The following SUSD2 variants were observed in gnomAD, a reference collection of about 807,000 sequenced individuals.
SUSD2 encodes sushi domain-containing protein 2.
A neutral mutation model predicts 93.8 loss-of-function variants in SUSD2; 86 were observed. That is an observed-to-expected ratio of 0.92 (90% CI 0.77 to 1.10). The LOEUF is 1.10. SUSD2 is among the 50% of genes least tolerant of loss of function. The pLI is 0.00. For synonymous variants in SUSD2, 483 were observed against 485.0 expected, an observed-to-expected ratio of 1.00 and a Z score of 0.05; for missense variants, 1,060 against 1,137.0, an observed-to-expected ratio of 0.93 and a Z score of 0.97.
rs1285097208 is a variant in SUSD2 at position 24,184,807 on chromosome 22, C to G, written c.649C>G (p.Leu217Val). The G allele has an allele frequency of 8.1e-6, 13 of 1,612,120 alleles. No homozygotes were observed. Among genetic ancestry groups the G allele is most frequent in the Non-Finnish European group, 1.1e-5 (13 of 1,179,012 alleles). Residue 217 changes from leucine to valine, a missense_variant, in exon 5 of 15, where the codon CTG becomes GTG. Physicochemically the swap from Leu to Val is conservative, Grantham distance 32. Transcript: ENST00000358321. The stretch of plus-strand genomic sequence containing the variant: ...GGAGTGGACTGCAAAGTGGTCGTAC[C>G]TGTACCCCCTGGCCACACACATCCC... ...SQEWTAKWSY[L>V]YPLATHIPNS...
In SUSD2 at chr22:24,184,310, C is replaced by T; in HGVS notation, c.607+7C>T. The T allele has an allele frequency of 6.2e-7, 1 of 1,612,366 alleles. No homozygotes were observed. The highest frequency in any genetic ancestry group is 1.1e-5 in the South Asian group (1 of 91,060). ...TGGGGCTACGAGGAGACAGGTGAGG[C>T]CAGCTGAGGGCTGGGGTGGCATCAG... On this transcript the variant is annotated splice_region_variant and intron_variant, in intron 4 of 14. Transcript: ENST00000358321.
chr22:24,183,416 C>T, intron 2 of SUSD2, 79 bp from the exon 3 acceptor site: 1 of 1,561,934 alleles, frequency 6.4e-7, no homozygotes, highest in South Asian at 1.2e-5. Flanking sequence ...TTGGGTTCCC[C>T]AGGGAGGTTG....
At position 24,187,808 on chromosome 22, in the gene SUSD2, A is replaced by G; in HGVS notation, c.2129A>G (p.Gln710Arg). 1.9e-6 allele frequency: 3 copies of G among 1,612,828 alleles called. No individual in the cohort carries two copies. Among genetic ancestry groups the G allele is most frequent in the Non-Finnish European group, 2.5e-6 (3 of 1,179,636 alleles). The change falls in exon 12 of 15, where the codon CAG becomes CGG. Residue 710 changes from glutamine (Q) to arginine (R), a missense_variant. Transcript: ENST00000358321. The stretch of plus-strand genomic sequence containing the variant: ...GGCACTGCCACTCGGGTGGCCCACC[A>G]GCTGCACCAGCGTCGCATGCAGAGC... The part of the protein sequence containing the change: ...STGTATRVAH[Q>R]LHQRRMQSLQ...
chr22:24,185,465 C>A (rs2047355789), intron 6 of SUSD2, 21 bp from the exon 7 acceptor site: 1 of 1,553,570 alleles, frequency 6.4e-7, no homozygotes. Flanking sequence ...CACTGGGTGA[C>A]AGCCACCTGC....
Position 24,187,806 on chromosome 22 carries a change from C to T in SUSD2, c.2127C>T (p.His709=). ...LSTGTATRVA[H]QLHQRRMQSL... ...CGGGCACTGCCACTCGGGTGGCCCA[C>T]CAGCTGCACCAGCGTCGCATGCAGA... The change falls in exon 12 of 15, where the codon CAC becomes CAT. Residue 709 remains histidine, a synonymous_variant. Transcript: ENST00000358321. The T allele has an allele frequency of 1.2e-6, 2 of 1,613,416 alleles. No individual in the cohort carries two copies. Among genetic ancestry groups the T allele is most frequent in the South Asian group, 2.2e-5 (2 of 91,064 alleles).
In SUSD2 at chr22:24,187,701, C is replaced by G. The variant is rs747449083; in HGVS notation, c.2022C>G (p.Ser674Arg). The G allele has an allele frequency of 1.9e-6, 3 of 1,614,054 alleles. No homozygotes were observed. Among genetic ancestry groups the G allele is most frequent in the South Asian group, 1.1e-5 (1 of 91,046 alleles). Residue 674 changes from serine (S) to arginine (R), a missense_variant, in exon 12 of 15, where the codon AGC becomes AGG. By Grantham distance (110) the Ser-to-Arg change is moderately radical (BLOSUM62 -1). Around this residue, in one of 2 missense-constraint regions of SUSD2, gnomAD observed 973 missense variants for 1,005.3 expected, o/e 0.97. Transcript: ENST00000358321. ...CCAGTGAGACCACCCTCAACCCCAG[C>G]CTGGCACAAGAGGCAGCCAAACTAT... ...LFPSETTLNPSLAQEAAKLCG... is the reference protein window; with the variant it reads ...LFPSETTLNPRLAQEAAKLCG...
Position 24,183,841 on chromosome 22 carries a change from T to G in SUSD2, c.439+195T>G, listed in dbSNP as rs538617045. ...TCCAGACCGCGGTCCCAGCCCAGAG[T>G]GAGTGGGAGCTGCAGGGGTCCCTAG... On this transcript the variant is annotated intron_variant, in intron 3 of 14. Coordinates refer to ENST00000358321, the MANE Select transcript of SUSD2 (RefSeq NM_019601.4). 4 of 689,336 alleles carry G rather than the reference T, an allele frequency of 5.8e-6. No homozygotes were observed. In the Admixed American group the frequency reaches 1.1e-4, roughly 20 times the overall value. 42.7% of individuals were successfully genotyped at this position (689,336 alleles called of 1,614,324 possible). A position where few individuals can be genotyped will look rare whatever the true frequency, so the allele number is the denominator to read the frequency against.
At position 24,186,390 on chromosome 22, in the gene SUSD2, C is replaced by T. The variant is rs538859009; in HGVS notation, c.1617C>T (p.Thr539=). Residue 539 remains threonine (T), a synonymous_variant, in exon 10 of 15, where the codon ACC becomes ACT. Transcript: ENST00000358321. ...VLLNQEVLSF[T]EQSWMDLKGM... ...TGAACCAGGAGGTGCTGAGCTTCACCGAGCAGAGCTGGATGGACCTGAAAG... is the reference window on the plus strand; with the variant it reads ...TGAACCAGGAGGTGCTGAGCTTCACTGAGCAGAGCTGGATGGACCTGAAAG... 5.8e-5 allele frequency: 94 copies of T among 1,613,594 alleles called. No homozygotes were observed. Among genetic ancestry groups the T allele is most frequent in the Non-Finnish European group, 7.1e-5 (84 of 1,180,020 alleles).
Position 24,184,154 on chromosome 22 carries a change from C to T in SUSD2, c.458C>T (p.Ser153Leu). Residue 153 changes from serine (S) to leucine (L), a missense_variant, in exon 4 of 15, where the codon TCA (serine) becomes TTA (leucine). Around this residue, in one of 2 missense-constraint regions of SUSD2, gnomAD observed 973 missense variants for 1,005.3 expected, o/e 0.97. Coordinates refer to ENST00000358321, the MANE Select transcript of SUSD2 (RefSeq NM_019601.4). ...TGCCCAGTGCACCCCAACAAAGTGT[C>T]AATGATGGAGAAGAGCGAGTTGGTG... ...TWLAVHPNKV[S>L]MMEKSELVNE... 6.2e-7 allele frequency: 1 copy of T among 1,612,300 alleles called. No individual in the cohort carries two copies. The highest frequency in any genetic ancestry group is 8.5e-7 in the Non-Finnish European group (1 of 1,179,928).
rs909869640 is a variant in SUSD2 at position 24,183,730 on chromosome 22, C to G, written c.439+84C>G. On this transcript the variant is annotated intron_variant, in intron 3 of 14. Transcript: ENST00000358321. ...TATGCACACCGAGACTTGGCCTGTC[C>G]GTGCCCTGCCTCTCTGGCTGAACCA... 1.3e-5 allele frequency: 18 copies of G among 1,434,066 alleles called. No homozygotes were observed. The African/African-American group carries it at 2.5e-4, about 20-fold the overall frequency. 88.8% of individuals were successfully genotyped at this position (1,434,066 alleles called of 1,614,324 possible).
Position 24,185,919 on chromosome 22 carries a change from C to T in SUSD2, c.1329C>T (p.Pro443=), listed in dbSNP as rs529046605. The change falls in exon 8 of 15, where the codon CCC becomes CCT. Residue 443 remains proline (P), a synonymous_variant. Coordinates refer to ENST00000358321, the MANE Select transcript of SUSD2 (RefSeq NM_019601.4). ...CCAATGACTGCCGCAACTACCGGCC[C>T]CCAAGACTGGGTGGGTGCCATCCCG... ...RPSNDCRNYR[P]PRLASAFGDP... 6.4e-7 allele frequency: 1 copy of T among 1,570,558 alleles called. No individual in the cohort carries two copies. Among genetic ancestry groups the T allele is most frequent in the East Asian group, 2.3e-5 (1 of 43,360 alleles).
At chr22:24,181,633 T>A (rs1392621971) in intron 1 of SUSD2, 38 bp downstream of exon 1, 3 of 1,492,322 alleles carry the variant, frequency 2.0e-6, no homozygotes, top group Non-Finnish European at 2.7e-6. Context: ...CGTCTGTCTG[T>A]CCATCTGTCT....
intron 3 of SUSD2, chr22:24,183,905 C>T: frequency 1.5e-6 from 1 of 650,642 alleles, no homozygotes; most frequent in South Asian, 2.0e-5. Context: ...CTCCGCCATG[C>T]CAGGGCAGGG....
chr22:24,181,653 C>G, intron 1 of SUSD2, 58 bp downstream of exon 1: 1 of 1,356,480 alleles, frequency 7.4e-7, no homozygotes. Context: ...TGCAGCCAGG[C>G]CTGGGCTGAC....
rs1178566426 is a variant in SUSD2, at chr22:24,185,206, C to T, written c.895C>T (p.Leu299=). ...ARTQCQAWEE[L]EDQLPNFLEE... The stretch of plus-strand genomic sequence containing the variant: ...AACTCAGTGCCAGGCCTGGGAGGAG[C>T]TGGAGGATCAGCTGCCCAACTTCCT... The change falls in exon 6 of 15, where the codon CTG becomes TTG. Residue 299 remains leucine (L), a synonymous_variant. Coordinates refer to ENST00000358321, the MANE Select transcript of SUSD2 (RefSeq NM_019601.4). 1 of 1,611,318 alleles carries T rather than the reference C, an allele frequency of 6.2e-7. No homozygotes were observed. The highest frequency in any genetic ancestry group is 1.7e-5 in the Admixed American group (1 of 60,016).
In SUSD2 at chr22:24,187,206, G is replaced by A. The variant is rs1183611263; in HGVS notation, c.1647G>A (p.Met549Ile). Residue 549 changes from methionine (M) to isoleucine (I), a missense_variant, in exon 11 of 15, where the codon ATG becomes ATA. By Grantham distance (10) the Met-to-Ile change is conservative. This residue lies in a region of SUSD2 where 973 missense variants were observed against 1,005.3 expected (regional missense o/e 0.97). Coordinates refer to ENST00000358321, the MANE Select transcript of SUSD2 (RefSeq NM_019601.4). ...ATGCATCCCCCTTGAGCCCAGGAAT[G>A]TTCCTGTCGGTGGCTGCCGGGGACA... ...TEQSWMDLKG[M>I]FLSVAAGDRV... 1 of 1,612,436 alleles carries A rather than the reference G, an allele frequency of 6.2e-7. No homozygotes were observed. Among genetic ancestry groups the A allele is most frequent in the East Asian group, 2.2e-5 (1 of 44,882 alleles).
At chr22:24,187,146 G>T in intron 10 of SUSD2, 56 bp from the exon 11 acceptor site, 2 of 1,575,780 alleles carry the variant, frequency 1.3e-6, no homozygotes, top group African/African-American at 1.3e-5. Context: ...CTGGGGCTGC[G>T]GGAGGGGACA....
Position 24,183,194 on chromosome 22 carries a change from A to G in SUSD2, c.214A>G (p.Met72Val), listed in dbSNP as rs1601338544. The G allele has an allele frequency of 2.5e-6, 4 of 1,613,952 alleles. No homozygotes were observed. Among genetic ancestry groups the G allele is most frequent in the South Asian group, 1.1e-5 (1 of 91,076 alleles). Residue 72 changes from methionine to valine, a missense_variant, in exon 2 of 15, where the codon ATG becomes GTG. Physicochemically the swap from Met to Val is conservative, Grantham distance 21. Transcript: ENST00000358321. Reference sequence around the variant, plus strand: ...GGAGATATTGCCCTACTCAGGATCCATGATGGGCGGCAAGGACTTTGTGGT... The same window carrying G: ...GGAGATATTGCCCTACTCAGGATCCGTGATGGGCGGCAAGGACTTTGTGGT... ...CLEILPYSGS[M>V]MGGKDFVVRH...
intron 1 of SUSD2, 155 bp from the exon 2 acceptor site, chr22:24,182,902 A>T: frequency 1.6e-6 from 1 of 622,822 alleles, no homozygotes; most frequent in Non-Finnish European, 2.8e-6. Context: ...GTGGCTTTCT[A>T]CTGTGTCCAC....
Sources: allele counts gnomAD v4.1 joint callset, GRCh38; gene constraint gnomAD v4.1.1; regional missense constraint gnomAD v4.1.1; transcripts MANE v1.5; gene names NCBI Gene and HGNC (gene_info 2026-07-23, HGNC 2026-07-21).